ITPR1: variants seen among roughly 807,000 people sequenced by gnomAD.
ITPR1 encodes inositol 1,4,5-trisphosphate receptor type 1.
In ITPR1, 96 loss-of-function variants were observed where a neutral mutation model predicts 318.4. The observed-to-expected ratio is 0.30, with a 90% CI of 0.26 to 0.36. ITPR1 has a LOEUF of 0.36. Ranked by LOEUF, ITPR1 falls within the 10% of genes least tolerant of loss-of-function variation. The pLI is 1.00. For synonymous variants in ITPR1, 1,312 were observed against 1,289.9 expected (o/e 1.02, Z -0.37); for missense variants, 2,440 against 3,460.2 (o/e 0.71, Z 7.40).
chr3:4,713,353 C>A (rs1299353241), intron 39 of ITPR1, among the ~76,000 whole-genome samples: 2 of 152,182 alleles, frequency 1.3e-5, no homozygotes, highest in South Asian at 2.1e-4. Flanking sequence ...ATATCTATTT[C>A]TTTCCATAAC....
chr3:4,830,851 A>G (rs954188719), intron 60 of ITPR1: 2 of 445,296 alleles, frequency 4.5e-6, no homozygotes, highest in Non-Finnish European at 4.5e-6. Flanking sequence ...TTTTGCCCTC[A>G]AGCCCCCCTC....
chr3:4,845,940 C>G (rs1381313888), intron 61 of ITPR1, among the ~76,000 whole-genome samples, 199 bp from the exon 62 acceptor site: 1 of 152,200 alleles, frequency 6.6e-6, no homozygotes, highest in African/African-American at 2.4e-5. Flanking sequence ...CATTGCATGA[C>G]TAGGTCACAG....
At chr3:4,727,395 T>C (rs992422172) in intron 42 of ITPR1, among the ~76,000 whole-genome samples, 1 of 87,682 alleles carries the variant, frequency 1.1e-5, no homozygotes, top group African/African-American at 3.0e-5. Context: ...CTCCAAATAA[T>C]GACCAAGTAA....
At chr3:4,819,348 A>G (rs2049526437) in intron 60 of ITPR1, among the ~76,000 whole-genome samples, 1 of 152,202 alleles carries the variant, frequency 6.6e-6, no homozygotes, top group African/African-American at 2.4e-5. Flanking sequence ...GTTGAATTCC[A>G]TGCTTCTCAA....
intron 46 of ITPR1, among the ~76,000 whole-genome samples, chr3:4,772,825 C>G (rs941246594): frequency 1.3e-5 from 2 of 152,184 alleles, no homozygotes; most frequent in Admixed American, 1.3e-4. Context: ...GGAAATGGAT[C>G]TGAGTCTGGG....
rs1391990266 is a variant in ITPR1 at position 4,783,926 on chromosome 3, A to G, written c.6615+6A>G. The G allele has an allele frequency of 2.5e-6, 4 of 1,590,272 alleles. No homozygotes were observed. The highest frequency in any genetic ancestry group is 3.4e-6 in the Non-Finnish European group (4 of 1,166,464). ...AGCACACGGCGCAGATAGAGGTAAA[A>G]GCTGAGTAAACTCAGGGCATGGGGT... On this transcript the variant is annotated splice_donor_region_variant and intron_variant, in intron 51 of 61. Transcript: ENST00000649015.
At chr3:4,620,767 T>A (rs1295118519) in intron 4 of ITPR1, among the ~76,000 whole-genome samples, 1 of 151,352 alleles carries the variant, frequency 6.6e-6, no homozygotes. Flanking sequence ...TGAATCAAGT[T>A]CAAGCTTTTG....
chr3:4,498,099 G>A (rs1283050560), intron 2 of ITPR1, among the ~76,000 whole-genome samples: 7 of 152,184 alleles, frequency 4.6e-5, no homozygotes, highest in Non-Finnish European at 1.0e-4. Flanking sequence ...TTGGAAAGAT[G>A]AAAAAGTTCT....
At chr3:4,622,023 CT>C (rs1285751889) in intron 4 of ITPR1, among the ~76,000 whole-genome samples, 1 of 152,032 alleles carries the variant, frequency 6.6e-6, no homozygotes, top group Non-Finnish European at 1.5e-5. Context: ...CAGTTTGTCC[CT>C]GTCACTGGTA....
intron 2 of ITPR1, among the ~76,000 whole-genome samples, chr3:4,499,990 G>C (rs143050278): frequency 8.1e-4 from 124 of 152,276 alleles, no homozygotes; most frequent in African/African-American, 2.8e-3. Context: ...AGCACCCCTT[G>C]ATGCTCACTA....
At chr3:4,527,281 A>G (rs1333632045) in intron 4 of ITPR1, among the ~76,000 whole-genome samples, 1 of 152,184 alleles carries the variant, frequency 6.6e-6, no homozygotes, top group African/African-American at 2.4e-5. Context: ...GGTTCAAACC[A>G]TCCTCCTTCC....
intron 50 of ITPR1, among the ~76,000 whole-genome samples, chr3:4,783,275 G>T (rs935040145): frequency 4.6e-5 from 7 of 152,044 alleles, no homozygotes; most frequent in African/African-American, 1.5e-4. Context: ...CTTTTTGGAT[G>T]CCGACGTGCC....
At chr3:4,582,326 T>G (rs1315241480) in intron 4 of ITPR1, among the ~76,000 whole-genome samples, 2 of 152,192 alleles carry the variant, frequency 1.3e-5, no homozygotes, top group African/African-American at 4.8e-5. Context: ...GTTCCTACTG[T>G]GTCTGTAGGA....
chr3:4,528,694 A>C (rs2083178494), intron 4 of ITPR1, among the ~76,000 whole-genome samples: 1 of 152,210 alleles, frequency 6.6e-6, no homozygotes, highest in Non-Finnish European at 1.5e-5. Flanking sequence ...CTTGTTAAAT[A>C]AGGCAGAAAA....
intron 34 of ITPR1, among the ~76,000 whole-genome samples, chr3:4,698,102 C>G (rs970071617): frequency 8.1e-3 from 1 of 124 alleles, no homozygotes; most frequent in African/African-American, 0.033. Flanking sequence ...AAGACTGCCA[C>G]ATAACAAGCA....
At chr3:4,524,906 C>G (rs1044715681) in intron 4 of ITPR1, among the ~76,000 whole-genome samples, 10 of 152,126 alleles carry the variant, frequency 6.6e-5, no homozygotes, top group East Asian at 1.9e-4. Flanking sequence ...ATAATAGGCT[C>G]TATCTCATAA....
chr3:4,653,846 AC>A lies in ITPR1; in HGVS notation c.959del (p.Pro320LeufsTer51). ...CTAATGATTCTTTTTCATCAGGTAG[AC>A]CCTGACTTTGAGGAAGAATGCCTGG... The part of the protein sequence containing the change: ...ATGHYLAAEV[D>X]PDFEEECLEF... On this transcript the variant is annotated frameshift_variant, in exon 12 of 62. Coordinates refer to ENST00000649015, the MANE Select transcript of ITPR1 (RefSeq NM_001378452.1). LOFTEE classifies it high-confidence loss of function. 6.2e-7 allele frequency: 1 copy of A among 1,608,706 alleles called. No homozygotes were observed. Among genetic ancestry groups the A allele is most frequent in the South Asian group, 1.1e-5 (1 of 90,334 alleles).
chr3:4,759,855 A>C (rs1048863586), intron 44 of ITPR1, among the ~76,000 whole-genome samples: 5 of 152,212 alleles, frequency 3.3e-5, no homozygotes, highest in African/African-American at 1.2e-4. Context: ...GACAGCAGCC[A>C]TGCCCACTTC....
At chr3:4,698,306 T>C (rs967785364) in intron 34 of ITPR1, among the ~76,000 whole-genome samples, 1 of 152,076 alleles carries the variant, frequency 6.6e-6, no homozygotes, top group Admixed American at 6.5e-5. Context: ...CAGAAGCCTA[T>C]AAGAACTTAT....
Sources: allele counts gnomAD v4.1 joint callset (sites outside exome capture counted in the v4.1 genomes callset), GRCh38; gene constraint gnomAD v4.1.1; transcripts MANE v1.5; gene names NCBI Gene and HGNC (gene_info 2026-07-23, HGNC 2026-07-21).